The following FAM53A variants were observed in gnomAD, a reference collection of about 807,000 sequenced individuals.
The protein encoded by FAM53A is family with sequence similarity 53 member A.
A neutral mutation model predicts 26.6 loss-of-function variants in FAM53A; 28 were observed. The ratio of observed to expected loss-of-function variants is 1.05; its 90% confidence interval spans 0.78 to 1.45. The LOEUF is 1.45. Ranked by LOEUF, FAM53A falls within the 40% of genes most tolerant of loss-of-function variation. FAM53A has a pLI of 0.00. For synonymous variants in FAM53A, 290 were observed against 253.1 expected (o/e 1.15, Z -1.38); for missense variants, 650 against 575.8 (o/e 1.13, Z -1.32).
intron 1 of FAM53A, 38 bp downstream of exon 1, chr4:1,684,195 A>T (rs1223466330): frequency 6.6e-6 from 1 of 151,082 alleles, no homozygotes; most frequent in Non-Finnish European, 1.5e-5. Flanking sequence ...TGGACAAGAG[A>T]GGAGGGGGCG....
At chr4:1,605,157 G>A in the FAM53A span, among the ~76,000 whole-genome samples, 2 of 152,306 alleles carry the variant, frequency 1.3e-5, no homozygotes, top group South Asian at 2.1e-4. This position sits in a 1 kb window ranked among gnomAD's most constrained non-coding sequence, Gnocchi z 5.7. Context: ...GCAATTTCAC[G>A]ATGCCCACGG....
chr4:1,586,985 T>C, the FAM53A span, among the ~76,000 whole-genome samples: 1 of 152,244 alleles, frequency 6.6e-6, no homozygotes, highest in Non-Finnish European at 1.5e-5. Context: ...TTTCCCTGAC[T>C]GTTCATGACA....
chr4:1,588,438 C>T, the FAM53A span, among the ~76,000 whole-genome samples: 14 of 152,128 alleles, frequency 9.2e-5, no homozygotes, highest in South Asian at 2.1e-4. Flanking sequence ...GCGTGACTGC[C>T]GAGAACTGGA....
At position 1,657,415 on chromosome 4, in the gene FAM53A, C is replaced by T; in HGVS notation, c.129G>A (p.Glu43=). 6.2e-7 allele frequency: 1 copy of T among 1,613,528 alleles called. No homozygotes were observed. Among genetic ancestry groups the T allele is most frequent in the Non-Finnish European group, 8.5e-7 (1 of 1,179,708 alleles). Reference sequence around the variant, plus strand: ...AGCTCCTAAAGTGCTCACCGTTGAGCTCCAAAGGGAACAGACGACCGCTCT... The same window carrying T: ...AGCTCCTAAAGTGCTCACCGTTGAGTTCCAAAGGGAACAGACGACCGCTCT... ...LNKSGRLFPL[E]LNDQSPWKVF... Residue 43 remains glutamate, a synonymous_variant, in exon 3 of 5, where the codon GAG becomes GAA. Transcript: ENST00000308132.
chr4:1,646,692 C>T (rs545895465), intron 4 of FAM53A, among the ~76,000 whole-genome samples: 2 of 152,286 alleles, frequency 1.3e-5, no homozygotes, highest in East Asian at 1.9e-4. Flanking sequence ...GGTGTGAACA[C>T]GGCCACATGC....
At chr4:1,647,794 ATGTG>A (rs1161983698) in intron 4 of FAM53A, among the ~76,000 whole-genome samples, 1 of 152,182 alleles carries the variant, frequency 6.6e-6, no homozygotes, top group Non-Finnish European at 1.5e-5. Context: ...CATGGTGGGT[ATGTG>A]TGTGTGCCCA....
intron 4 of FAM53A, among the ~76,000 whole-genome samples, chr4:1,653,502 G>A (rs961849145): frequency 6.6e-6 from 1 of 152,158 alleles, no homozygotes; most frequent in East Asian, 1.9e-4. Flanking sequence ...GTCCCCGTGG[G>A]GCCTGACACC....
chr4:1,583,075 G>A, the FAM53A span, among the ~76,000 whole-genome samples: 2 of 152,212 alleles, frequency 1.3e-5, no homozygotes, highest in Non-Finnish European at 2.9e-5. Context: ...CAAAGTGATA[G>A]TTAACTCTCA....
chr4:1,619,081 G>A (rs1320539397), intron 1 of FAM53A, among the ~76,000 whole-genome samples: 3 of 152,202 alleles, frequency 2.0e-5, no homozygotes, highest in African/African-American at 2.4e-5. Flanking sequence ...CCCACATAAC[G>A]GCCTGGGCTC....
At chr4:1,619,613 G>A (rs143570869) in intron 1 of FAM53A, among the ~76,000 whole-genome samples, 7 of 152,206 alleles carry the variant, frequency 4.6e-5, no homozygotes, top group Non-Finnish European at 8.8e-5. Flanking sequence ...TTCACCCCCC[G>A]GCCTCCCGTG....
the FAM53A span, among the ~76,000 whole-genome samples, chr4:1,598,688 G>GT: frequency 1.3e-5 from 2 of 152,216 alleles, no homozygotes; most frequent in Non-Finnish European, 2.9e-5. Context: ...TACGAGAAGT[G>GT]TATCTCTTAC....
At chr4:1,669,495 G>C (rs1315844023) in intron 1 of FAM53A, among the ~76,000 whole-genome samples, 1 of 152,198 alleles carries the variant, frequency 6.6e-6, no homozygotes, top group Non-Finnish European at 1.5e-5. Context: ...CGTCTGTACT[G>C]CAGGCAGAGG....
intron 2 of FAM53A, among the ~76,000 whole-genome samples, chr4:1,667,626 C>G (rs770820327): frequency 6.6e-5 from 10 of 152,176 alleles, no homozygotes; most frequent in Non-Finnish European, 1.2e-4. Flanking sequence ...CTCACTGGAA[C>G]CCCCTGCGGT....
chr4:1,608,742 T>A, the FAM53A span, among the ~76,000 whole-genome samples: 1 of 152,132 alleles, frequency 6.6e-6, no homozygotes, highest in African/African-American at 2.4e-5. Context: ...CCTTCACCCA[T>A]CCCTGCTCGC....
chr4:1,615,559 G>T (rs1246891360), downstream of FAM53A, among the ~76,000 whole-genome samples: 2 of 147,328 alleles, frequency 1.4e-5, no homozygotes, highest in African/African-American at 5.2e-5. Flanking sequence ...TGGAAGACAG[G>T]ATGCGGCCAC....
intron 4 of FAM53A, among the ~76,000 whole-genome samples, chr4:1,646,788 T>G (rs1712285960): frequency 6.6e-6 from 1 of 152,230 alleles, no homozygotes. Context: ...CCTCAGGCTC[T>G]GGGTGACCCA....
At chr4:1,611,143 C>A in the FAM53A span, among the ~76,000 whole-genome samples, 13 of 152,214 alleles carry the variant, frequency 8.5e-5, no homozygotes, top group African/African-American at 3.1e-4. Flanking sequence ...CCTGACCCAG[C>A]CCGGCTCACA....
At chr4:1,615,326 C>T (rs543468607), downstream of FAM53A, among the ~76,000 whole-genome samples, 6 of 62,072 alleles carry the variant, frequency 9.7e-5, no homozygotes, top group South Asian at 8.7e-4. Context: ...CCCACCTGGG[C>T]GCACACTGAA....
intron 2 of FAM53A, among the ~76,000 whole-genome samples, chr4:1,667,998 G>A (rs1183821636): frequency 1.3e-5 from 2 of 152,186 alleles, no homozygotes; most frequent in East Asian, 1.9e-4. Context: ...TGGGAGGCGC[G>A]GCTAGGAGGG....
Sources: allele counts gnomAD v4.1 joint callset (sites outside exome capture counted in the v4.1 genomes callset), GRCh38; gene constraint gnomAD v4.1.1; non-coding constraint Gnocchi (gnomAD v3.1); transcripts MANE v1.5; gene names NCBI Gene and HGNC (gene_info 2026-07-23, HGNC 2026-07-21).